SYT1: variants seen among roughly 807,000 people sequenced by gnomAD.
SYT1 encodes synaptotagmin 1.
Under a neutral mutation model 44.8 loss-of-function variants are expected in SYT1, and 8 were observed. The ratio of observed to expected loss-of-function variants is 0.18; its 90% CI spans 0.10 to 0.32. SYT1 has a LOEUF of 0.32. Ranked by LOEUF, SYT1 falls within the 10% of genes least tolerant of loss-of-function variation. The pLI is 1.00. For synonymous variants in SYT1, 154 were observed against 188.8 expected (o/e 0.82, Z 1.51); for missense variants, 286 against 509.3 (o/e 0.56, Z 4.22).
At chr12:78,959,709 G>T (rs1879405793) in intron 1 of SYT1, among the ~76,000 whole-genome samples, 1 of 152,110 alleles carries the variant, frequency 6.6e-6, no homozygotes, top group Non-Finnish European at 1.5e-5. Context: ...ATCAGAGAAG[G>T]CTGCTGAGTT....
intron 9 of SYT1, among the ~76,000 whole-genome samples, chr12:79,416,037 A>G (rs930272955): frequency 1.3e-5 from 2 of 152,202 alleles, no homozygotes; most frequent in Non-Finnish European, 2.9e-5. Context: ...TCCCATTTAC[A>G]TTGAGAATCA....
chr12:79,390,713 T>C (rs993957931), intron 9 of SYT1, among the ~76,000 whole-genome samples: 2 of 152,242 alleles, frequency 1.3e-5, no homozygotes, highest in African/African-American at 4.8e-5. Flanking sequence ...ATTGGGATTA[T>C]GTGGAAACTG....
intron 4 of SYT1, among the ~76,000 whole-genome samples, chr12:79,279,885 A>G (rs1878952318): frequency 6.6e-6 from 1 of 152,072 alleles, no homozygotes; most frequent in Non-Finnish European, 1.5e-5. Flanking sequence ...ACTCAATCCC[A>G]TTTATAATAG....
chr12:78,920,013 T>C (rs1294640040), intron 1 of SYT1, among the ~76,000 whole-genome samples: 3 of 90,862 alleles, frequency 3.3e-5, no homozygotes, highest in African/African-American at 1.5e-4. Context: ...TTGTAGAGTA[T>C]CATTGGGCTA....
intron 4 of SYT1, among the ~76,000 whole-genome samples, chr12:79,251,263 A>G (rs572469538): frequency 2.5e-4 from 38 of 152,298 alleles, no homozygotes; most frequent in African/African-American, 8.4e-4. Flanking sequence ...ACCCTGATTA[A>G]CAATGAGGAA....
intron 3 of SYT1, among the ~76,000 whole-genome samples, chr12:79,147,699 T>C (rs1352514359): frequency 6.6e-6 from 1 of 152,160 alleles, no homozygotes; most frequent in African/African-American, 2.4e-5. Flanking sequence ...ATTAAAAATA[T>C]GTCAACTGAC....
chr12:79,030,661 C>T lies in SYT1; in HGVS notation c.-83-16636C>T, dbSNP rs138924889. ...AGATTTCTTGCTTTTCTATTTTAAA[C>T]AGCATTTGGGAAAATGCTTTGCCCA... is the stretch of plus-strand genomic sequence containing the variant. On this transcript the variant is annotated intron_variant, in intron 2 of 10. Transcript: ENST00000261205. 6.5e-3 allele frequency among the ~76,000 whole-genome samples: 985 copies of T among 151,124 alleles called. 11 individuals carry two copies. The highest frequency in any genetic ancestry group is 0.027 in the Middle Eastern group (8 of 294).
chr12:79,182,319 T>G (rs1872591050), intron 3 of SYT1, among the ~76,000 whole-genome samples: 1 of 152,084 alleles, frequency 6.6e-6, no homozygotes, highest in Non-Finnish European at 1.5e-5. Flanking sequence ...TGTGATTTTT[T>G]GGGACACTTT....
intron 4 of SYT1, among the ~76,000 whole-genome samples, chr12:79,232,595 T>C (rs1489756603): frequency 6.6e-6 from 1 of 152,206 alleles, no homozygotes; most frequent in Admixed American, 6.5e-5. Context: ...TCCTTTTTTC[T>C]GGTACCAACT....
rs538431102 is a variant in SYT1 at position 79,261,468 on chromosome 12, G to A, written c.167-24319G>A. Among the ~76,000 whole-genome samples, 4 of 152,218 alleles carry A rather than the reference G, an allele frequency of 2.6e-5. No homozygotes were observed. In the South Asian group the frequency reaches 8.3e-4, roughly 31 times the overall value. On this transcript the variant is annotated intron_variant, in intron 4 of 10. Coordinates refer to ENST00000261205, the MANE Select transcript of SYT1 (RefSeq NM_005639.3). ...TAATCATCTGTATTTCTTCCAAATT[G>A]TAGAGATTGCATTGGTCCAATTTTC...
chr12:79,116,707 C>G (rs1879296004), intron 3 of SYT1, among the ~76,000 whole-genome samples: 1 of 152,214 alleles, frequency 6.6e-6, no homozygotes, highest in African/African-American at 2.4e-5. Context: ...ATATTGAATT[C>G]TCATAGTATG....
intron 3 of SYT1, among the ~76,000 whole-genome samples, chr12:79,130,874 A>G (rs1219301703): frequency 1.3e-5 from 2 of 152,158 alleles, no homozygotes; most frequent in Non-Finnish European, 1.5e-5. Context: ...GTCCCTTCAT[A>G]GTTCTTAACA....
intron 1 of SYT1, among the ~76,000 whole-genome samples, chr12:78,944,030 T>C (rs1878523326): frequency 6.6e-6 from 1 of 152,158 alleles, no homozygotes; most frequent in East Asian, 1.9e-4. Context: ...CATTGCAATT[T>C]ATATCTTTCA....
chr12:79,055,573 T>TA (rs1360084784), intron 3 of SYT1, among the ~76,000 whole-genome samples: 1 of 151,954 alleles, frequency 6.6e-6, no homozygotes, highest in Non-Finnish European at 1.5e-5. Context: ...TTGCACTGGA[T>TA]AAAAAACTGT....
intron 9 of SYT1, among the ~76,000 whole-genome samples, chr12:79,398,615 C>G (rs1219038729): frequency 6.6e-6 from 1 of 152,066 alleles, no homozygotes; most frequent in Non-Finnish European, 1.5e-5. Flanking sequence ...ATACTTTAGA[C>G]TTTAAAATGC....
intron 3 of SYT1, among the ~76,000 whole-genome samples, chr12:79,132,311 T>C (rs956981566): frequency 2.6e-5 from 4 of 151,968 alleles, no homozygotes; most frequent in Non-Finnish European, 4.4e-5. Context: ...TAGCCTGGTA[T>C]GGTGGCACGT....
chr12:79,252,364 T>C (rs1393094333), intron 4 of SYT1, among the ~76,000 whole-genome samples: 1 of 152,146 alleles, frequency 6.6e-6, no homozygotes, highest in Non-Finnish European at 1.5e-5. Context: ...TTAGTATACA[T>C]TCACTGCAAG....
chr12:79,202,783 C>T (rs1406012584), intron 3 of SYT1, among the ~76,000 whole-genome samples: 2 of 152,180 alleles, frequency 1.3e-5, no homozygotes, highest in Non-Finnish European at 2.9e-5. Context: ...ATATATAAAA[C>T]TGAACCCTTA....
chr12:79,095,944 AAAG>A (rs1878099204), intron 3 of SYT1, among the ~76,000 whole-genome samples: 1 of 151,960 alleles, frequency 6.6e-6, no homozygotes, highest in South Asian at 2.1e-4. Flanking sequence ...GAGACTCAAA[AAAG>A]AGCCTGATGG....
Sources: allele counts gnomAD v4.1 joint callset (sites outside exome capture counted in the v4.1 genomes callset), GRCh38; gene constraint gnomAD v4.1.1; transcripts MANE v1.5; gene names NCBI Gene and HGNC (gene_info 2026-07-23, HGNC 2026-07-21).